CTBP2: variants seen among roughly 807,000 people sequenced by gnomAD.
CTBP2 encodes C-terminal-binding protein 2.
CTBP2 carries 30 observed loss-of-function variants against 80.3 expected under a neutral mutation model. The ratio of observed to expected loss-of-function variants is 0.37; its 90% CI spans 0.28 to 0.51. The LOEUF is 0.51. Among genes scored for constraint, CTBP2 ranks in the 20% least tolerant of loss-of-function variants. The pLI is 0.93. For synonymous variants in CTBP2, 594 were observed against 587.4 expected (o/e 1.01, Z -0.16); for missense variants, 1,212 against 1,375.3 (o/e 0.88, Z 1.88).
At position 125,014,567 on chromosome 10, in the gene CTBP2, C is replaced by G. The variant is rs141224529; in HGVS notation, c.1679-11075G>C. Reference sequence around the variant, plus strand: ...AAGATTCAATGCACACGAGGTTGACCTTCCTTACGGGGAGCAACCTCTTGG... The same window carrying G: ...AAGATTCAATGCACACGAGGTTGACGTTCCTTACGGGGAGCAACCTCTTGG... On this transcript the variant is annotated intron_variant, in intron 1 of 8. Transcript: ENST00000309035. Among the ~76,000 whole-genome samples, 47 of 152,364 alleles carry G rather than the reference C, an allele frequency of 3.1e-4. 1 individual carries two copies. Among genetic ancestry groups the G allele is most frequent in the Admixed American group, 7.2e-4 (11 of 15,306 alleles).
chr10:125,005,366 T>C (rs4962415), intron 1 of CTBP2, among the ~76,000 whole-genome samples: 145,186 of 152,214 alleles, frequency 0.95, 69,327 homozygotes, highest in Middle Eastern at 0.98. Flanking sequence ...CAGCTGCACC[T>C]GACGCTCAGA....
intron 1 of CTBP2, among the ~76,000 whole-genome samples, chr10:125,150,988 G>C (rs1565051214): frequency 6.6e-6 from 1 of 151,514 alleles, no homozygotes; most frequent in Non-Finnish European, 1.5e-5. Context: ...TGTCCTCGCA[G>C]AGGCACAGGT....
chr10:125,005,520 C>T lies in CTBP2; in HGVS notation c.1679-2028G>A, dbSNP rs553730892. The T allele has an allele frequency of 8.2e-6, 13 of 1,588,116 alleles. No individual in the cohort carries two copies. The Admixed American group carries it at 1.0e-4, about 13-fold the overall frequency. On this transcript the variant is annotated intron_variant, in intron 1 of 8. Coordinates refer to ENST00000309035, the MANE Select transcript of CTBP2 (RefSeq NM_022802.3). ...GGGGAGGGGGAAAATAAGGCAGGGA[C>T]GAGGGCCAACACCCCCGTGTCCTCA...
At chr10:125,098,246 T>A (rs1156966655) in intron 2 of CTBP2, among the ~76,000 whole-genome samples, 1 of 152,138 alleles carries the variant, frequency 6.6e-6, no homozygotes, top group Admixed American at 6.5e-5. Flanking sequence ...GTCCCAGCCA[T>A]CAGTCCACAG....
intron 2 of CTBP2, among the ~76,000 whole-genome samples, chr10:125,049,046 GACACACACACACACACACACAC>G (rs1178000125): frequency 2.2e-5 from 2 of 89,662 alleles, no homozygotes; most frequent in South Asian, 4.2e-4. Context: ...CCTGACCACA[GACACACACACACACACACACAC>G]ACACACACAC....
chr10:125,014,926 C>T (rs548184390), intron 1 of CTBP2, among the ~76,000 whole-genome samples: 37 of 152,218 alleles, frequency 2.4e-4, no homozygotes, highest in Non-Finnish European at 2.9e-5. Context: ...ATCTCACCTC[C>T]AAGCGAATAA....
At chr10:125,097,577 G>A (rs1045209879) in intron 2 of CTBP2, among the ~76,000 whole-genome samples, 2 of 152,102 alleles carry the variant, frequency 1.3e-5, no homozygotes, top group African/African-American at 4.8e-5. Context: ...TGCTACAGGC[G>A]CGCCTTAGGT....
At position 125,027,313 on chromosome 10, in the gene CTBP2, A is replaced by T; in HGVS notation, c.447T>A (p.Asp149Glu). The change falls in exon 1 of 9, where the codon GAT (aspartate) becomes GAA (glutamate). Residue 149 changes from aspartate (D) to glutamate (E), a missense_variant. This residue lies in a region of CTBP2 where 848 missense variants were observed against 782.3 expected (regional missense o/e 1.08). Coordinates refer to ENST00000309035, the MANE Select transcript of CTBP2 (RefSeq NM_022802.3). Reference sequence around the variant, plus strand: ...GGGCAGGTGACCGGCCTTGCATTGGATCCCATGACGTTCTGCTGCCAAGCA... The same window carrying T: ...GGGCAGGTGACCGGCCTTGCATTGGTTCCCATGACGTTCTGCTGCCAAGCA... The T allele has an allele frequency of 6.2e-7, 1 of 1,613,600 alleles. No homozygotes were observed. Among genetic ancestry groups the T allele is most frequent in the Non-Finnish European group, 8.5e-7 (1 of 1,179,958 alleles).
intron 1 of CTBP2, among the ~76,000 whole-genome samples, chr10:125,115,073 C>T (rs1852997192): frequency 1.3e-5 from 2 of 152,140 alleles, no homozygotes; most frequent in African/African-American, 2.4e-5. Context: ...TTCATCACCC[C>T]TGCTTCAAGG....
At chr10:125,095,790 T>C (rs1488964432) in intron 2 of CTBP2, among the ~76,000 whole-genome samples, 3 of 152,232 alleles carry the variant, frequency 2.0e-5, no homozygotes, top group East Asian at 1.9e-4. Context: ...ACAGTTTCTG[T>C]AGGAAGTAGT....
At chr10:125,023,068 C>T (rs1241309007) in intron 1 of CTBP2, among the ~76,000 whole-genome samples, 1 of 152,224 alleles carries the variant, frequency 6.6e-6, no homozygotes, top group African/African-American at 2.4e-5. Flanking sequence ...GCTCTGGTGA[C>T]AGGTAACTGT....
At chr10:125,158,156 T>C (rs997748991) in intron 1 of CTBP2, among the ~76,000 whole-genome samples, 1 of 151,460 alleles carries the variant, frequency 6.6e-6, no homozygotes, top group Admixed American at 6.6e-5. Flanking sequence ...AAAAGATTTA[T>C]ATTTAAAAAA....
At chr10:125,118,261 G>C (rs975554763) in intron 1 of CTBP2, among the ~76,000 whole-genome samples, 1 of 152,240 alleles carries the variant, frequency 6.6e-6, no homozygotes. Context: ...GGGTGACAAG[G>C]AGGAACTTGA....
intron 2 of CTBP2, among the ~76,000 whole-genome samples, chr10:125,104,181 A>G (rs1034206227): frequency 6.6e-6 from 1 of 152,224 alleles, no homozygotes; most frequent in Admixed American, 6.5e-5. Flanking sequence ...TCACGGGGAC[A>G]TTCGATCCCA....
chr10:125,020,401 C>T lies in CTBP2; in HGVS notation c.1678+5681G>A, dbSNP rs111259522. On this transcript the variant is annotated intron_variant, in intron 1 of 8. Coordinates refer to ENST00000309035, the MANE Select transcript of CTBP2 (RefSeq NM_022802.3). The stretch of plus-strand genomic sequence containing the variant: ...TCCTGGAAAGCAGAGGGTCCGCTGG[C>T]CAAGACCTCCCTACTCCATGTGGAA... Among the ~76,000 whole-genome samples the T allele has an allele frequency of 7.2e-4, 110 of 152,272 alleles. 2 individuals carry two copies. Among genetic ancestry groups the T allele is most frequent in the African/African-American group, 2.5e-3 (102 of 41,552 alleles).
At chr10:125,078,772 A>G (rs1846694191) in intron 2 of CTBP2, among the ~76,000 whole-genome samples, 2 of 152,080 alleles carry the variant, frequency 1.3e-5, no homozygotes, top group Non-Finnish European at 2.9e-5. Flanking sequence ...ACCCTTACCA[A>G]TAATAATGTT....
intron 1 of CTBP2, among the ~76,000 whole-genome samples, chr10:125,017,756 G>A (rs1463656947): frequency 2.0e-5 from 3 of 152,240 alleles, no homozygotes; most frequent in Non-Finnish European, 4.4e-5. Context: ...GCATGGTCTT[G>A]AGGGCAGCAG....
chr10:124,991,901 G>C (rs989345568), intron 8 of CTBP2, among the ~76,000 whole-genome samples: 1 of 146,126 alleles, frequency 6.8e-6, no homozygotes, highest in East Asian at 2.0e-4. Flanking sequence ...AATGGGGGGG[G>C]GGGTGTGGGA....
intron 1 of CTBP2, among the ~76,000 whole-genome samples, chr10:125,018,782 C>T (rs1322570826): frequency 6.6e-6 from 1 of 152,212 alleles, no homozygotes; most frequent in Non-Finnish European, 1.5e-5. Flanking sequence ...GGACGCGCTC[C>T]CCGCCAACGC....
Sources: allele counts gnomAD v4.1 joint callset (sites outside exome capture counted in the v4.1 genomes callset), GRCh38; gene constraint gnomAD v4.1.1; regional missense constraint gnomAD v4.1.1; transcripts MANE v1.5; gene names NCBI Gene and HGNC (gene_info 2026-07-23, HGNC 2026-07-21).